Variants in SPNS2 observed in about 807,000 individuals in gnomAD.
SPNS2 encodes the protein SPNS lysolipid transporter 2, sphingosine-1-phosphate.
Under a neutral mutation model 57.6 loss-of-function variants are expected in SPNS2, and 37 were observed. That is an observed-to-expected ratio of 0.64 (90% confidence interval 0.49 to 0.85). The LOEUF (loss-of-function observed/expected upper bound fraction) is 0.85, where lower values mean the gene tolerates loss of function less well. Ranked by LOEUF, SPNS2 falls within the 40% of genes least tolerant of loss-of-function variation. The pLI, the probability that SPNS2 is intolerant of heterozygous loss-of-function variation, is 0.00. For synonymous variants in SPNS2, 440 were observed against 346.9 expected, an observed-to-expected ratio of 1.27 and a Z score of -2.98; for missense variants, 831 against 779.1, an observed-to-expected ratio of 1.07 and a Z score of -0.79.
chr17:4,521,728 A>G (rs1380346684), intron 2 of SPNS2, among the ~76,000 whole-genome samples: 1 of 152,238 alleles, frequency 6.6e-6, no homozygotes, highest in Non-Finnish European at 1.5e-5. Context: ...CTCACTTCCT[A>G]ATTATTTTGC....
At chr17:4,504,036 G>A (rs2144303858) in intron 1 of SPNS2, among the ~76,000 whole-genome samples, 1 of 150,916 alleles carries the variant, frequency 6.6e-6, no homozygotes, top group East Asian at 1.9e-4. Flanking sequence ...TGAAAGATGG[G>A]GAAACTGAGG....
intron 9 of SPNS2, among the ~76,000 whole-genome samples, chr17:4,534,925 A>G (rs913675684): frequency 3.9e-5 from 6 of 152,150 alleles, no homozygotes; most frequent in Non-Finnish European, 7.4e-5. Context: ...GTCCCGGGGA[A>G]ATCGCGTCCC....
At chr17:4,509,739 T>C (rs1047884936) in intron 1 of SPNS2, among the ~76,000 whole-genome samples, 2 of 152,230 alleles carry the variant, frequency 1.3e-5, no homozygotes, top group African/African-American at 4.8e-5. Context: ...TCAATGGATG[T>C]TGTTCCAGAA....
intron 2 of SPNS2, among the ~76,000 whole-genome samples, chr17:4,521,118 G>T (rs993180121): frequency 6.6e-6 from 1 of 152,302 alleles, no homozygotes; most frequent in South Asian, 2.1e-4. Flanking sequence ...AGGATCTGGA[G>T]CTCCTTGGTG....
chr17:4,504,801 C>T (rs1197317679), intron 1 of SPNS2, among the ~76,000 whole-genome samples: 1 of 152,180 alleles, frequency 6.6e-6, no homozygotes, highest in African/African-American at 2.4e-5. Flanking sequence ...CAGCCTTCGC[C>T]AGCTTTACTG....
At chr17:4,537,131 C>T (rs1905883806) in intron 12 of SPNS2, among the ~76,000 whole-genome samples, 185 bp downstream of exon 12, 1 of 152,260 alleles carries the variant, frequency 6.6e-6, no homozygotes, top group Admixed American at 6.5e-5. Flanking sequence ...CAGCAGGCTG[C>T]TCCTTCCAGT....
At position 4,536,367 on chromosome 17, in the gene SPNS2, C is replaced by T; in HGVS notation, c.1548C>T (p.Gly516=). 1.2e-6 allele frequency: 2 copies of T among 1,609,704 alleles called. No individual in the cohort carries two copies. Among genetic ancestry groups the T allele is most frequent in the South Asian group, 1.1e-5 (1 of 91,086 alleles). The part of the protein sequence containing the change: ...MLCPFVVVLG[G]MFFLATALFF... ...GCCCTTTCGTCGTGGTCCTGGGCGGCATGTTCTTCCTCGCCACTGCGCTCT... is the reference window on the plus strand; with the variant it reads ...GCCCTTTCGTCGTGGTCCTGGGCGGTATGTTCTTCCTCGCCACTGCGCTCT... Residue 516 remains glycine, a synonymous_variant, in exon 11 of 13, where the codon GGC becomes GGT. Coordinates refer to ENST00000329078, the MANE Select transcript of SPNS2 (RefSeq NM_001124758.3).
In SPNS2 at chr17:4,523,875, T is replaced by C. The variant is rs956161234; in HGVS notation, c.437-1182T>C. 5.9e-5 allele frequency among the ~76,000 whole-genome samples: 9 copies of C among 152,356 alleles called. No individual in the cohort carries two copies. The East Asian group carries it at 1.7e-3, about 29-fold the overall frequency. The stretch of plus-strand genomic sequence containing the variant: ...GTTATTGATTTGTTTATTTCTTTAT[T>C]GTCTATTTCTCCTCATTCGAATGAA... On this transcript the variant is annotated intron_variant, in intron 2 of 12. Transcript: ENST00000329078.
intron 9 of SPNS2, chr17:4,534,255 G>A (rs535460692): frequency 2.9e-4 from 76 of 266,626 alleles, no homozygotes; most frequent in African/African-American, 5.1e-4. Context: ...GGGGCTGGGC[G>A]GACAGAGGCT....
At chr17:4,524,997 G>A (rs1905227437) in intron 2 of SPNS2, 60 bp from the exon 3 acceptor site, 2 of 1,589,556 alleles carry the variant, frequency 1.3e-6, no homozygotes, top group African/African-American at 2.7e-5. Context: ...GGAGTGAAAT[G>A]GGCCGGGAGG....
In SPNS2 at chr17:4,501,129, A is replaced by G. The variant is rs75699680; in HGVS notation, c.370+1712A>G. Reference sequence around the variant, plus strand: ...ACAGCCCCCGTTCAAGATGGCCAGGAAAGTGACTGGCAAAGCTGGTGTTAG... The same window carrying G: ...ACAGCCCCCGTTCAAGATGGCCAGGGAAGTGACTGGCAAAGCTGGTGTTAG... On this transcript the variant is annotated intron_variant, in intron 1 of 12. Transcript: ENST00000329078. Among the ~76,000 whole-genome samples, 45 of 152,308 alleles carry G rather than the reference A, an allele frequency of 3.0e-4. No homozygotes were observed. In the East Asian group the frequency reaches 8.3e-3, roughly 28 times the overall value.
intron 3 of SPNS2, among the ~76,000 whole-genome samples, chr17:4,528,218 T>C (rs557658134): frequency 3.2e-4 from 49 of 152,148 alleles, no homozygotes; most frequent in African/African-American, 1.2e-3. Flanking sequence ...AGATGGGGTT[T>C]CACCATGTTG....
In SPNS2 at chr17:4,530,979, C is replaced by T. The variant is rs79772744; in HGVS notation, c.726-74C>T. 6.3e-4 allele frequency: 990 copies of T among 1,567,594 alleles called. 10 individuals are homozygous for T. The East Asian group carries it at 0.018, about 29-fold the overall frequency. ...TGGGTGGGGAGGGTGGGCAGCCTGC[C>T]TTGCAGACCAGCGGGCACTCCCTGT... On this transcript the variant is annotated intron_variant, in intron 4 of 12. Transcript: ENST00000329078.
At chr17:4,536,519 G>A in intron 11 of SPNS2, 93 bp downstream of exon 11, 1 of 1,428,808 alleles carries the variant, frequency 7.0e-7, no homozygotes, top group Non-Finnish European at 9.5e-7. Context: ...GGGCGGGGAG[G>A]GTACAGACCT....
Position 4,512,467 on chromosome 17 carries a change from G to A in SPNS2, c.371-780G>A, listed in dbSNP as rs1372157094. Among the ~76,000 whole-genome samples, 3 of 152,118 alleles carry A rather than the reference G, an allele frequency of 2.0e-5. No homozygotes were observed. The highest frequency in any genetic ancestry group is 2.9e-5 in the Non-Finnish European group (2 of 68,010). ...CCAGCTGCTGCCCCCACCCCGTGAC[G>A]TGCAAAGCCCTAAAGTAGTTGGGCT... On this transcript the variant is annotated intron_variant, in intron 1 of 12. Transcript: ENST00000329078. The surrounding 1 kb of genome is among the most constrained non-coding windows in gnomAD (Gnocchi z 5.2).
intron 2 of SPNS2, among the ~76,000 whole-genome samples, chr17:4,519,958 G>A (rs1905098224): frequency 6.6e-6 from 1 of 152,192 alleles, no homozygotes; most frequent in Non-Finnish European, 1.5e-5. Flanking sequence ...GGCCAGGCGG[G>A]GTCCTCCCTC....
At chr17:4,517,512 C>G (rs762809291) in intron 2 of SPNS2, among the ~76,000 whole-genome samples, 8 of 152,130 alleles carry the variant, frequency 5.3e-5, no homozygotes, top group Non-Finnish European at 5.9e-5. Flanking sequence ...CATAAATTAG[C>G]TGGGCATGGT....
intron 9 of SPNS2, 80 bp downstream of exon 9, chr17:4,533,933 T>C: frequency 8.7e-7 from 1 of 1,152,982 alleles, no homozygotes; most frequent in South Asian, 1.2e-5. Context: ...GGAGGGCGGG[T>C]GAAGGGGCGG....
At chr17:4,508,795 T>C (rs891503903) in intron 1 of SPNS2, among the ~76,000 whole-genome samples, 1 of 152,072 alleles carries the variant, frequency 6.6e-6, no homozygotes, top group African/African-American at 2.4e-5. Context: ...GAGCCAGGGG[T>C]CTGGGCCAGT....
Sources: allele counts gnomAD v4.1 joint callset (sites outside exome capture counted in the v4.1 genomes callset), GRCh38; gene constraint gnomAD v4.1.1; non-coding constraint Gnocchi (gnomAD v3.1); transcripts MANE v1.5; gene names NCBI Gene and HGNC (gene_info 2026-07-23, HGNC 2026-07-21).